Variants in CTBP2 observed in about 807,000 individuals in gnomAD.
CTBP2 encodes the protein C-terminal-binding protein 2.
A neutral mutation model predicts 80.3 loss-of-function variants in CTBP2; 30 were observed. The observed-to-expected ratio is 0.37, with a 90% CI of 0.28 to 0.51. CTBP2 has a LOEUF of 0.51. Ranked by LOEUF, CTBP2 falls within the 20% of genes least tolerant of loss-of-function variation. The probability of loss-of-function intolerance (pLI) is 0.93; values close to 1 mark genes in which losing one functional copy is unlikely to be tolerated. For synonymous variants in CTBP2, 594 were observed against 587.4 expected (o/e 1.01, Z -0.16); for missense variants, 1,212 against 1,375.3 (o/e 0.88, Z 1.88).
intron 3 of CTBP2, among the ~76,000 whole-genome samples, chr10:125,034,211 AT>A (rs1958587007): frequency 6.6e-6 from 1 of 152,248 alleles, no homozygotes; most frequent in Non-Finnish European, 1.5e-5. Flanking sequence ...AGGGCAGTCT[AT>A]GAACCCCATC....
intron 1 of CTBP2, among the ~76,000 whole-genome samples, chr10:125,112,533 A>G (rs1488993474): frequency 6.8e-6 from 1 of 147,272 alleles, no homozygotes; most frequent in Non-Finnish European, 1.5e-5. Flanking sequence ...GGTCCAAGGG[A>G]TTCTCCTGCC....
chr10:124,998,514 G>A (rs1054523546), intron 3 of CTBP2: 2 of 375,738 alleles, frequency 5.3e-6, no homozygotes, highest in Non-Finnish European at 5.0e-6. Context: ...GGAAGCCAGT[G>A]GGCCTCAGAC....
chr10:125,031,930 T>C (rs553416960), upstream of CTBP2, among the ~76,000 whole-genome samples: 5 of 152,334 alleles, frequency 3.3e-5, no homozygotes, highest in East Asian at 9.6e-4. Flanking sequence ...TCTCTCAGTA[T>C]TTAGCCATGG....
intron 2 of CTBP2, among the ~76,000 whole-genome samples, chr10:125,055,999 TA>T (rs1963832708): frequency 6.6e-6 from 1 of 151,838 alleles, no homozygotes; most frequent in African/African-American, 2.4e-5. Flanking sequence ...ACCCCGTGTG[TA>T]CTAAAAATAC....
chr10:125,096,503 G>A (rs1038298312), intron 2 of CTBP2, among the ~76,000 whole-genome samples: 4 of 152,102 alleles, frequency 2.6e-5, no homozygotes, highest in African/African-American at 7.2e-5. Context: ...CTAAACAGAT[G>A]GCTAACCACA....
intron 3 of CTBP2, among the ~76,000 whole-genome samples, chr10:125,035,001 G>A (rs770483820): frequency 1.2e-4 from 18 of 152,136 alleles, no homozygotes; most frequent in Non-Finnish European, 2.4e-4. Flanking sequence ...ACGTATGGAT[G>A]ACCTTTCTTG....
chr10:125,049,123 C>T (rs1962084830), intron 2 of CTBP2, among the ~76,000 whole-genome samples: 1 of 144,358 alleles, frequency 6.9e-6, no homozygotes, highest in African/African-American at 2.6e-5. Flanking sequence ...ACACACACAA[C>T]ACCCCTTTCA....
intron 5 of CTBP2, among the ~76,000 whole-genome samples, chr10:124,994,212 G>T (rs1028972392): frequency 6.6e-6 from 1 of 152,212 alleles, no homozygotes; most frequent in Non-Finnish European, 1.5e-5. Context: ...GGACTGTGCC[G>T]AGCTGCTGGC....
chr10:125,037,446 A>G (rs1160068809), intron 3 of CTBP2, among the ~76,000 whole-genome samples: 1 of 152,190 alleles, frequency 6.6e-6, no homozygotes, highest in African/African-American at 2.4e-5. Context: ...AGTAACCTCA[A>G]TCAAGCACCT....
At chr10:125,002,563 G>A (rs1024875604) in intron 3 of CTBP2, among the ~76,000 whole-genome samples, 2 of 152,172 alleles carry the variant, frequency 1.3e-5, no homozygotes, top group East Asian at 1.9e-4. Context: ...CTGTGCACAC[G>A]GCAGGGGCAG....
chr10:125,042,437 T>C (rs1960120578), intron 2 of CTBP2, among the ~76,000 whole-genome samples: 1 of 152,070 alleles, frequency 6.6e-6, no homozygotes, highest in Non-Finnish European at 1.5e-5. Flanking sequence ...TTTTCCCCCC[T>C]AAACACCAAA....
At chr10:125,002,429 G>A (rs1954656187) in intron 3 of CTBP2, among the ~76,000 whole-genome samples, 1 of 152,226 alleles carries the variant, frequency 6.6e-6, no homozygotes, top group Non-Finnish European at 1.5e-5. Flanking sequence ...TTCTTCGGAA[G>A]CCTCTGTCAT....
chr10:125,137,224 T>TGTCA (rs1381932170), intron 1 of CTBP2, among the ~76,000 whole-genome samples: 2 of 152,244 alleles, frequency 1.3e-5, no homozygotes, highest in African/African-American at 2.4e-5. Context: ...TGCAGGAAGA[T>TGTCA]GTCACCAGTT....
chr10:125,047,799 ATCC>A (rs1281656533), intron 2 of CTBP2, among the ~76,000 whole-genome samples: 1 of 152,232 alleles, frequency 6.6e-6, no homozygotes, highest in Non-Finnish European at 1.5e-5. Flanking sequence ...GGAAGATTTA[ATCC>A]TCCTAACTTT....
Position 125,125,564 on chromosome 10 carries a change from A to C in CTBP2, c.-205-14471T>G, listed in dbSNP as rs981142934. On this transcript the variant is annotated intron_variant, in intron 1 of 10. Coordinates refer to the CTBP2 transcript ENST00000337195. ...TTGAAGCTTGCCTTCTTAGCACCTG[A>C]CAAATAGTGCTCAGATAATGGCTCC... Among the ~76,000 whole-genome samples the C allele has an allele frequency of 2.0e-5, 3 of 152,174 alleles. No individual in the cohort carries two copies. The South Asian group carries it at 6.2e-4, about 32-fold the overall frequency.
chr10:125,027,570 C>T lies in CTBP2; in HGVS notation c.190G>A (p.Val64Met), dbSNP rs374741156. The stretch of plus-strand genomic sequence containing the variant: ...CGGTACAGGTAGGGCTCGGCGGCCA[C>T]GGGCAGGGCAGCGTCCTGTGGTCGG... Residue 64 changes from valine to methionine, a missense_variant, in exon 1 of 9, where the codon GTG becomes ATG. Val to Met is a conservative substitution (Grantham distance 21, BLOSUM62 1). Around this residue, in one of 3 missense-constraint regions of CTBP2, gnomAD observed 848 missense variants for 782.3 expected, o/e 1.08. Transcript: ENST00000309035. The T allele has an allele frequency of 2.5e-5, 41 of 1,614,106 alleles. No individual in the cohort carries two copies. The highest frequency in any genetic ancestry group is 9.9e-5 in the South Asian group (9 of 91,082).
At chr10:125,145,777 C>T (rs1858660382) in intron 1 of CTBP2, among the ~76,000 whole-genome samples, 1 of 152,170 alleles carries the variant, frequency 6.6e-6, no homozygotes, top group Admixed American at 6.5e-5. Flanking sequence ...ATTCATTGTG[C>T]ACACTCTCCA....
chr10:125,030,694 G>C (rs11245472), upstream of CTBP2, among the ~76,000 whole-genome samples: 29,709 of 152,194 alleles, frequency 0.2, 3,616 homozygotes, highest in East Asian at 0.28. Flanking sequence ...AGTAACATGA[G>C]GGCCATTTGG....
chr10:124,998,733 G>A (rs987337801), intron 3 of CTBP2: 4 of 172,114 alleles, frequency 2.3e-5, no homozygotes, highest in South Asian at 1.3e-4. Context: ...ACCGATGGCC[G>A]AAGCGTGTGC....
Sources: allele counts gnomAD v4.1 joint callset (sites outside exome capture counted in the v4.1 genomes callset), GRCh38; gene constraint gnomAD v4.1.1; regional missense constraint gnomAD v4.1.1; transcripts MANE v1.5; gene names NCBI Gene and HGNC (gene_info 2026-07-23, HGNC 2026-07-21).